The following PPARGC1A variants were observed in gnomAD, a reference collection of about 807,000 sequenced individuals.
PPARGC1A encodes the protein peroxisome proliferator-activated receptor gamma coactivator 1-alpha.
A neutral mutation model predicts 88.7 loss-of-function variants in PPARGC1A; 25 were observed. The ratio of observed to expected loss-of-function variants is 0.28; its 90% CI spans 0.21 to 0.39. The LOEUF (loss-of-function observed/expected upper bound fraction) is 0.39. Ranked by LOEUF, PPARGC1A falls within the 10% of genes least tolerant of loss-of-function variation. The probability of loss-of-function intolerance (pLI) is 1.00; values close to 1 mark genes in which losing one functional copy is unlikely to be tolerated. For missense variants in PPARGC1A, 880 were observed against 968.7 expected, an observed-to-expected ratio of 0.91 and a Z score of 1.22; for synonymous variants, 363 against 355.6, an observed-to-expected ratio of 1.02 and a Z score of -0.24.
the PPARGC1A span, among the ~76,000 whole-genome samples, chr4:24,186,602 G>A: frequency 2.0e-5 from 3 of 152,126 alleles, no homozygotes; most frequent in Admixed American, 1.3e-4. Flanking sequence ...CTGTCAGGTG[G>A]TGAGGAAGGG....
chr4:24,024,579 T>A, the PPARGC1A span, among the ~76,000 whole-genome samples: 17 of 152,192 alleles, frequency 1.1e-4, no homozygotes, highest in African/African-American at 3.9e-4. Flanking sequence ...TAAATTCTGA[T>A]GGGCAGCAAT....
At chr4:24,214,122 G>T in the PPARGC1A span, among the ~76,000 whole-genome samples, 1 of 152,210 alleles carries the variant, frequency 6.6e-6, no homozygotes, top group East Asian at 1.9e-4. Flanking sequence ...TGCGCTTGTT[G>T]TTTGTGGTTT....
the PPARGC1A span, among the ~76,000 whole-genome samples, chr4:24,272,815 A>G: frequency 2.6e-5 from 4 of 152,364 alleles, no homozygotes; most frequent in African/African-American, 9.6e-5. Context: ...TGCAATAAGC[A>G]AAGACTCTTC....
At chr4:23,812,622 G>A in intron 10 of PPARGC1A, 125 bp downstream of exon 10, 1 of 1,449,214 alleles carries the variant, frequency 6.9e-7, no homozygotes, top group Non-Finnish European at 9.3e-7. Flanking sequence ...AAAGCCAAAA[G>A]GCTGAAAATG....
chr4:24,351,893 T>G, the PPARGC1A span, among the ~76,000 whole-genome samples: 1 of 152,090 alleles, frequency 6.6e-6, no homozygotes, highest in African/African-American at 2.4e-5. Flanking sequence ...AGGGTGTTCT[T>G]TTTTTATTTC....
Position 23,814,266 on chromosome 4 carries a change from T to C in PPARGC1A, c.1217A>G (p.Asp406Gly). 6.2e-7 allele frequency: 1 copy of C among 1,613,906 alleles called. No homozygotes were observed. Among genetic ancestry groups the C allele is most frequent in the East Asian group, 2.2e-5 (1 of 44,858 alleles). ...ILINISQELQDSRQLENKDVS... is the reference protein window; with the variant it reads ...ILINISQELQGSRQLENKDVS... ...ATCTTTATTTTCTAGTTGTCTAGAG[T>C]CTTGGAGCTCCTGTGATATATTAAT... is the stretch of plus-strand genomic sequence containing the variant. Residue 406 changes from aspartate (D) to glycine (G), a missense_variant, in exon 8 of 13, where the codon GAC becomes GGC. By Grantham distance (94) the Asp-to-Gly change is moderately conservative. Transcript: ENST00000264867.
At chr4:24,441,569 A>T in the PPARGC1A span, among the ~76,000 whole-genome samples, 1 of 152,126 alleles carries the variant, frequency 6.6e-6, no homozygotes, top group Non-Finnish European at 1.5e-5. Context: ...AGGGACAGCC[A>T]CCCTGAATGT....
chr4:24,162,417 A>C, the PPARGC1A span, among the ~76,000 whole-genome samples: 12,244 of 152,134 alleles, frequency 0.08, 730 homozygotes, highest in Non-Finnish European at 0.12. Flanking sequence ...GGCTGATCTG[A>C]GTATGTACTC....
upstream of PPARGC1A, among the ~76,000 whole-genome samples, chr4:23,901,543 C>CAAAA (rs535361329): frequency 9.2e-4 from 74 of 80,780 alleles, no homozygotes; most frequent in African/African-American, 3.1e-3. Flanking sequence ...GACTCCGTCT[C>CAAAA]AAAAAAAAAA....
the PPARGC1A span, among the ~76,000 whole-genome samples, chr4:24,429,837 G>A: frequency 6.6e-6 from 1 of 151,880 alleles, no homozygotes; most frequent in African/African-American, 2.4e-5. Flanking sequence ...TTTTTGTAGA[G>A]ATGGGGTTTC....
chr4:24,227,803 A>T, the PPARGC1A span, among the ~76,000 whole-genome samples: 1 of 152,218 alleles, frequency 6.6e-6, no homozygotes, highest in Non-Finnish European at 1.5e-5. Context: ...ATCTGAGAGC[A>T]GACTGATGAG....
chr4:23,867,010 TC>T (rs1376273845), intron 2 of PPARGC1A, among the ~76,000 whole-genome samples: 4 of 149,076 alleles, frequency 2.7e-5, no homozygotes, highest in African/African-American at 9.7e-5. Flanking sequence ...GTATCCTTTT[TC>T]TTGTCTTCCT....
the PPARGC1A span, among the ~76,000 whole-genome samples, chr4:24,276,906 C>G: frequency 2.0e-5 from 3 of 152,114 alleles, no homozygotes; most frequent in African/African-American, 4.8e-5. Flanking sequence ...TCACATATAA[C>G]CCCCAAGCAA....
chr4:24,118,384 C>T, the PPARGC1A span, among the ~76,000 whole-genome samples: 21 of 152,132 alleles, frequency 1.4e-4, no homozygotes, highest in Admixed American at 3.9e-4. Flanking sequence ...AGGTGCCACT[C>T]GAACCTGTGC....
the PPARGC1A span, among the ~76,000 whole-genome samples, chr4:24,415,042 T>G: frequency 4.6e-5 from 7 of 152,124 alleles, no homozygotes; most frequent in South Asian, 2.1e-4. Flanking sequence ...ATAGAAAAAT[T>G]AGCTGAGTGC....
chr4:23,890,463 G>A (rs1284873123), upstream of PPARGC1A, among the ~76,000 whole-genome samples: 2 of 152,050 alleles, frequency 1.3e-5, no homozygotes, highest in African/African-American at 2.4e-5. Flanking sequence ...GCTAAAACGT[G>A]TATTCCCTAA....
the PPARGC1A span, among the ~76,000 whole-genome samples, chr4:24,414,911 C>T: frequency 2.1e-4 from 32 of 152,222 alleles, no homozygotes; most frequent in African/African-American, 6.3e-4. Flanking sequence ...AAACCATGGC[C>T]GGACATGGTG....
At chr4:24,008,925 G>T in the PPARGC1A span, among the ~76,000 whole-genome samples, 2 of 151,812 alleles carry the variant, frequency 1.3e-5, no homozygotes, top group Non-Finnish European at 2.9e-5. Flanking sequence ...AAAATATGTG[G>T]GTTCTTTTCC....
intron 2 of PPARGC1A, among the ~76,000 whole-genome samples, chr4:23,851,746 GTCTC>G (rs1729334026): frequency 2.0e-5 from 3 of 152,172 alleles, no homozygotes; most frequent in South Asian, 2.1e-4. Flanking sequence ...CCTTTTTATT[GTCTC>G]ATGTTTCACT....
Sources: gnomAD v4.1 joint callset for allele counts (sites outside exome capture counted in the v4.1 genomes callset) on GRCh38, gnomAD v4.1.1 for gene constraint, MANE v1.5 for transcripts, NCBI Gene and HGNC (gene_info 2026-07-23, HGNC 2026-07-21) for gene names.